CNOT6L: variants seen among roughly 807,000 people sequenced by gnomAD.
CNOT6L encodes CCR4-NOT transcription complex subunit 6 like, also known as CCR4-NOT transcription complex subunit 6-like.
CNOT6L carries 7 observed loss-of-function variants against 64.0 expected under a neutral mutation model. The observed-to-expected ratio is 0.11, with a 90% CI of 0.06 to 0.21. The LOEUF is 0.21. Among genes scored for constraint, CNOT6L ranks in the 10% least tolerant of loss-of-function variants. The pLI, the probability that CNOT6L is intolerant of heterozygous loss-of-function variation, is 1.00. For missense variants in CNOT6L, 245 were observed against 669.0 expected (o/e 0.37, Z 6.99); for synonymous variants, 193 against 243.4 (o/e 0.79, Z 1.93).
intron 1 of CNOT6L, among the ~76,000 whole-genome samples, chr4:77,787,980 T>C (rs912497467): frequency 3.3e-5 from 5 of 152,328 alleles, no homozygotes; most frequent in Admixed American, 2.6e-4. Context: ...TCTTTAAAGT[T>C]TGAAAACCCT....
chr4:77,800,711 A>C (rs1285059265), intron 1 of CNOT6L, among the ~76,000 whole-genome samples: 1 of 152,204 alleles, frequency 6.6e-6, no homozygotes, highest in Non-Finnish European at 1.5e-5. Flanking sequence ...TAGAATGTGT[A>C]TAAGCCATAT....
upstream of CNOT6L, among the ~76,000 whole-genome samples, chr4:77,820,106 C>G (rs1250860698): frequency 1.3e-5 from 2 of 152,162 alleles, no homozygotes; most frequent in African/African-American, 2.4e-5. Flanking sequence ...CGAGGTTGAA[C>G]AGAGACGCCA....
At chr4:77,743,941 A>G (rs1042859974) in intron 7 of CNOT6L, among the ~76,000 whole-genome samples, 3 of 152,158 alleles carry the variant, frequency 2.0e-5, no homozygotes, top group Non-Finnish European at 2.9e-5. Context: ...AAGAAATAGT[A>G]AGTTTCTGAG....
chr4:77,767,062 C>CAAAAAA (rs56926683), intron 4 of CNOT6L, among the ~76,000 whole-genome samples: 2 of 25,926 alleles, frequency 7.7e-5, no homozygotes, highest in Admixed American at 5.1e-4. Flanking sequence ...AACTCCGTCT[C>CAAAAAA]AAAAAAAAAA....
At chr4:77,745,814 T>C (rs1398565286) in intron 6 of CNOT6L, among the ~76,000 whole-genome samples, 1 of 152,202 alleles carries the variant, frequency 6.6e-6, no homozygotes, top group East Asian at 1.9e-4. Context: ...ACAGACATGG[T>C]TGAGAATCAC....
intron 1 of CNOT6L, among the ~76,000 whole-genome samples, chr4:77,805,621 A>G (rs1732127173): frequency 6.6e-6 from 1 of 152,242 alleles, no homozygotes; most frequent in Non-Finnish European, 1.5e-5. Flanking sequence ...GGTAGCTATT[A>G]GACTCATTGC....
chr4:77,793,926 A>G (rs1018216223), intron 1 of CNOT6L, among the ~76,000 whole-genome samples: 1 of 151,836 alleles, frequency 6.6e-6, no homozygotes, highest in African/African-American at 2.4e-5. Flanking sequence ...TGCGGCGGGT[A>G]GATCAACTGA....
intron 1 of CNOT6L, among the ~76,000 whole-genome samples, chr4:77,779,723 A>AT: frequency 6.6e-6 from 1 of 152,186 alleles, no homozygotes; most frequent in Non-Finnish European, 1.5e-5. Flanking sequence ...GCACTTTGGG[A>AT]GGCCGAGGCG....
intron 8 of CNOT6L, among the ~76,000 whole-genome samples, chr4:77,734,640 G>A (rs1279843374): frequency 1.3e-5 from 2 of 152,138 alleles, no homozygotes; most frequent in East Asian, 3.9e-4. Flanking sequence ...CTTTACCTCA[G>A]TTAAGTATCA....
chr4:77,745,318 G>A (rs1488909032), intron 6 of CNOT6L, among the ~76,000 whole-genome samples: 1 of 152,174 alleles, frequency 6.6e-6, no homozygotes, highest in Non-Finnish European at 1.5e-5. Context: ...AAGCAGAAGA[G>A]TATGGACTAA....
chr4:77,751,263 T>G (rs1724835588), intron 5 of CNOT6L, among the ~76,000 whole-genome samples: 1 of 152,042 alleles, frequency 6.6e-6, no homozygotes, highest in African/African-American at 2.4e-5. Flanking sequence ...TTAAAAGTCA[T>G]TGGAAAGGCA....
At chr4:77,761,471 A>C (rs1306673979) in intron 4 of CNOT6L, among the ~76,000 whole-genome samples, 1 of 152,244 alleles carries the variant, frequency 6.6e-6, no homozygotes, top group African/African-American at 2.4e-5. Context: ...CCAATCATTT[A>C]AGAAAGCAGT....
intron 8 of CNOT6L, among the ~76,000 whole-genome samples, chr4:77,732,258 A>T (rs1476836103): frequency 6.6e-6 from 1 of 152,110 alleles, no homozygotes; most frequent in African/African-American, 2.4e-5. Context: ...CCAAATTATT[A>T]AGCATTGTAG....
chr4:77,772,952 CT>C, intron 4 of CNOT6L, 128 bp downstream of exon 4: 1 of 635,914 alleles, frequency 1.6e-6, no homozygotes, highest in South Asian at 1.8e-5. Flanking sequence ...CAAACAAAAA[CT>C]ACTTTTCTTT....
chr4:77,795,684 A>T (rs1045422625), intron 1 of CNOT6L, among the ~76,000 whole-genome samples: 2 of 152,128 alleles, frequency 1.3e-5, no homozygotes, highest in African/African-American at 4.8e-5. Flanking sequence ...CAGAAGCAGA[A>T]GTCTGTACGG....
Position 77,726,384 on chromosome 4 carries a change from A to C in CNOT6L, c.1253-15T>G, listed in dbSNP as rs1721848739. On this transcript the variant is annotated splice_polypyrimidine_tract_variant and intron_variant, in intron 10 of 11. Transcript: ENST00000504123. ...TTCCACAACACCTGGTAGAATAAAG[A>C]AGAGACACTTCCATTTAGCATTTAG... is the stretch of plus-strand genomic sequence containing the variant. The C allele has an allele frequency of 1.9e-6, 3 of 1,593,186 alleles. No homozygotes were observed. The East Asian group carries it at 6.7e-5, about 36-fold the overall frequency.
At chr4:77,739,250 T>C (rs185572178) in intron 8 of CNOT6L, among the ~76,000 whole-genome samples, 26 of 152,314 alleles carry the variant, frequency 1.7e-4, no homozygotes, top group African/African-American at 6.3e-4. Context: ...TAAACAGTCA[T>C]CAGTGAAGAT....
upstream of CNOT6L, among the ~76,000 whole-genome samples, chr4:77,819,802 A>AGGC (rs1734091891): frequency 6.7e-6 from 1 of 150,086 alleles, no homozygotes; most frequent in Non-Finnish European, 1.5e-5. Context: ...CGAACGGCAG[A>AGGC]GGCGGCGGCG....
intron 4 of CNOT6L, among the ~76,000 whole-genome samples, chr4:77,768,673 T>C: frequency 6.6e-6 from 1 of 151,458 alleles, no homozygotes; most frequent in East Asian, 1.9e-4. Flanking sequence ...TAATTTCAAA[T>C]AAATATAATA....
Sources: allele counts gnomAD v4.1 joint callset (sites outside exome capture counted in the v4.1 genomes callset), GRCh38; gene constraint gnomAD v4.1.1; transcripts MANE v1.5; gene names NCBI Gene and HGNC (gene_info 2026-07-23, HGNC 2026-07-21).